The following BOK variants were observed in gnomAD, a reference collection of about 807,000 sequenced individuals.
BOK encodes the protein BCL2 family apoptosis regulator BOK, also known as bcl-2-related ovarian killer protein.
Under a neutral mutation model 18.3 loss-of-function variants are expected in BOK, and 20 were observed. The ratio of observed to expected loss-of-function variants is 1.09; its 90% confidence interval spans 0.77 to 1.59. BOK has a LOEUF of 1.59. Among genes scored for constraint, BOK ranks in the 40% most tolerant of loss-of-function variants. The probability of loss-of-function intolerance (pLI) is 0.00; values close to 1 mark genes in which losing one functional copy is unlikely to be tolerated. For synonymous variants in BOK, 173 were observed against 142.4 expected, an observed-to-expected ratio of 1.21 and a Z score of -1.53; for missense variants, 348 against 307.9, an observed-to-expected ratio of 1.13 and a Z score of -0.97.
At chr2:241,563,839 G>A (rs2066568708) in intron 3 of BOK, among the ~76,000 whole-genome samples, 1 of 152,162 alleles carries the variant, frequency 6.6e-6, no homozygotes, top group African/African-American at 2.4e-5. Context: ...TCTTCAGATG[G>A]CCTCGGGACC....
chr2:241,572,777 G>A lies in BOK; in HGVS notation c.*355G>A. On this transcript the variant is annotated 3_prime_UTR_variant, in exon 5 of 5. Transcript: ENST00000318407. ...TGCTCTCACCTGAGCCCCAGGTGAA[G>A]GGGCCCGGGAACACCTGCTCTCACC... 3.5e-6 allele frequency: 1 copy of A among 282,796 alleles called. No individual in the cohort carries two copies. Among genetic ancestry groups the A allele is most frequent in the Non-Finnish European group, 6.9e-6 (1 of 144,526 alleles). The allele number at this position is 282,796 out of a possible 1,614,324, so 17.5% of individuals were successfully genotyped here. A position where few individuals can be genotyped will look rare whatever the true frequency, so the allele number is the denominator to read the frequency against.
chr2:241,559,561 G>T lies in BOK; in HGVS notation c.78G>T (p.Glu26Asp). ...DAFDRSPTDK[E>D]LVAQAKALGR... is the part of the protein sequence containing the mutation. The stretch of plus-strand genomic sequence containing the variant: ...TTGACCGCTCGCCCACAGACAAGGA[G>T]CTGGTGGCCCAGGCCAAGGCGCTGG... Residue 26 changes from glutamate to aspartate, a missense_variant, in exon 2 of 5, where the codon GAG (glutamate) becomes GAT (aspartate). By Grantham distance (45) the Glu-to-Asp change is conservative. Coordinates refer to ENST00000318407, the MANE Select transcript of BOK (RefSeq NM_032515.5). 2 of 1,529,158 alleles carry T rather than the reference G, an allele frequency of 1.3e-6. No homozygotes were observed. The highest frequency in any genetic ancestry group is 1.7e-6 in the Non-Finnish European group (2 of 1,147,430). The allele number at this position is 1,529,158 out of a possible 1,614,324, so 94.7% of individuals were successfully genotyped here. A position where few individuals can be genotyped will look rare whatever the true frequency, so the allele number is the denominator to read the frequency against.
chr2:241,559,342 G>A (rs2066486800), intron 1 of BOK, 113 bp from the exon 2 acceptor site: 1 of 544,698 alleles, frequency 1.8e-6, no homozygotes, highest in African/African-American at 2.0e-5. Flanking sequence ...AAAAACGAGA[G>A]CGGACCCGGC....
chr2:241,559,164 C>G (rs1373927782), intron 1 of BOK, among the ~76,000 whole-genome samples, 171 bp downstream of exon 1: 2 of 151,160 alleles, frequency 1.3e-5, no homozygotes, highest in Non-Finnish European at 3.0e-5. Flanking sequence ...GCTGTGCCCT[C>G]CGCCCCCGCC....
chr2:241,563,186 C>T (rs1012320569), intron 3 of BOK, among the ~76,000 whole-genome samples: 2 of 152,206 alleles, frequency 1.3e-5, no homozygotes, highest in Admixed American at 6.5e-5. Flanking sequence ...TGTCCACATG[C>T]TTCTAGGCCC....
upstream of BOK, among the ~76,000 whole-genome samples, chr2:241,556,367 G>A (rs917647088): frequency 4.6e-5 from 7 of 152,180 alleles, no homozygotes; most frequent in Admixed American, 6.5e-5. Flanking sequence ...GGTAGATCAC[G>A]AGGTCAAGAG....
chr2:241,572,685 C>T lies in BOK; in HGVS notation c.*263C>T. ...TTCTCCTGTGATCTCTGTGTTTTCC[C>T]TTTTCTTTCTGGGGCCAGGAAGTCA... On this transcript the variant is annotated 3_prime_UTR_variant, in exon 5 of 5. Transcript: ENST00000318407. 7.5e-6 allele frequency: 4 copies of T among 530,092 alleles called. No homozygotes were observed. Among genetic ancestry groups the T allele is most frequent in the East Asian group, 3.2e-5 (1 of 31,604 alleles). The allele number at this position is 530,092 out of a possible 1,614,324, so 32.8% of individuals were successfully genotyped here.
At chr2:241,568,645 T>G (rs536765261) in intron 3 of BOK, among the ~76,000 whole-genome samples, 1 of 152,208 alleles carries the variant, frequency 6.6e-6, no homozygotes, top group South Asian at 2.1e-4. Context: ...CTTGAACTCC[T>G]GACCTCAGGT....
intron 3 of BOK, among the ~76,000 whole-genome samples, chr2:241,567,909 GAATGC>G (rs2066641116): frequency 3.9e-5 from 3 of 77,258 alleles, no homozygotes; most frequent in Admixed American, 1.3e-4. Flanking sequence ...TATCACCCCA[GAATGC>G]CTGTGCCCGT....
At chr2:241,556,279 T>C (rs1303273418), upstream of BOK, among the ~76,000 whole-genome samples, 1 of 152,212 alleles carries the variant, frequency 6.6e-6, no homozygotes, top group East Asian at 1.9e-4. Flanking sequence ...CTACATGACA[T>C]GGATTAAGAA....
upstream of BOK, among the ~76,000 whole-genome samples, chr2:241,555,771 C>T (rs1387368083): frequency 6.6e-6 from 1 of 152,208 alleles, no homozygotes; most frequent in African/African-American, 2.4e-5. Flanking sequence ...TCCTGGGATG[C>T]AGAACATGTC....
Position 241,562,168 on chromosome 2 carries a change from G to C in BOK, c.221-180G>C, listed in dbSNP as rs1157700291. Among the ~76,000 whole-genome samples, 2 of 152,234 alleles carry C rather than the reference G, an allele frequency of 1.3e-5. No homozygotes were observed. The highest frequency in any genetic ancestry group is 1.5e-5 in the Non-Finnish European group (1 of 68,034). ...CTTCTGGTCCCTAGGGGCCAAGGTT[G>C]GGGGATGGCCCAAGGGAGGTCAGAT... On this transcript the variant is annotated intron_variant, in intron 2 of 4. Transcript: ENST00000318407. The surrounding 1 kb of genome is among the most constrained non-coding windows in gnomAD (Gnocchi z 4.5).
chr2:241,564,959 G>GATGCCCCTACCC (rs1214551978), intron 3 of BOK, among the ~76,000 whole-genome samples: 3 of 152,190 alleles, frequency 2.0e-5, no homozygotes, highest in Non-Finnish European at 4.4e-5. Flanking sequence ...GCTTGAGCAG[G>GATGCCCCTACCC]GCCTGGCCTG....
Position 241,562,344 on chromosome 2 carries a change from A to ACAGGCGATGAG in BOK, c.221-2_229dup, listed in dbSNP as rs1223713190. ...GCCTCTCACCTGCTCTTGTGACCAC[A>ACAGGCGATGAG]CAGGCGATGAGCTGGAGATGATCCG... On this transcript the variant is annotated splice_polypyrimidine_tract_variant and splice_region_variant and intron_variant, in intron 2 of 4. Coordinates refer to ENST00000318407, the MANE Select transcript of BOK (RefSeq NM_032515.5). This position sits in a 1 kb window ranked among gnomAD's most constrained non-coding sequence, Gnocchi z 4.5. 3.1e-6 allele frequency: 5 copies of ACAGGCGATGAG among 1,595,462 alleles called. No individual in the cohort carries two copies. Among genetic ancestry groups the ACAGGCGATGAG allele is most frequent in the Non-Finnish European group, 4.3e-6 (5 of 1,172,002 alleles).
In BOK at chr2:241,562,451, C is replaced by G; in HGVS notation, c.324C>G (p.Ala108=). The part of the protein sequence containing the change: ...SEPVVTDAFL[A]VAGHIFSAGI... Reference sequence around the variant, plus strand: ...CTGTGGTGACCGATGCGTTCCTGGCCGTGGCTGGCCACATCTTCTCTGCAG... The same window carrying G: ...CTGTGGTGACCGATGCGTTCCTGGCGGTGGCTGGCCACATCTTCTCTGCAG... The change falls in exon 3 of 5, where the codon GCC becomes GCG. Residue 108 remains alanine, a synonymous_variant. Coordinates refer to ENST00000318407, the MANE Select transcript of BOK (RefSeq NM_032515.5). The surrounding 1 kb of genome is among the most constrained non-coding windows in gnomAD (Gnocchi z 4.5). The G allele has an allele frequency of 6.2e-7, 1 of 1,611,700 alleles. No homozygotes were observed. Among genetic ancestry groups the G allele is most frequent in the Non-Finnish European group, 8.5e-7 (1 of 1,179,688 alleles).
rs561951752 is a variant in BOK, at chr2:241,569,828, T to C, written c.350-297T>C. ...CAGCCCAGGGGTGCCACCCGTGAGG[T>C]CACTGGCTGCTCACTCCATCTGCTG... On this transcript the variant is annotated intron_variant, in intron 3 of 4. Transcript: ENST00000318407. Among the ~76,000 whole-genome samples the C allele has an allele frequency of 2.0e-5, 3 of 152,250 alleles. No individual in the cohort carries two copies. In the South Asian group the frequency reaches 6.2e-4, roughly 32 times the overall value.
At chr2:241,552,555 A>C (rs897720224) in intron 1 of BOK, among the ~76,000 whole-genome samples, 5 of 152,008 alleles carry the variant, frequency 3.3e-5, no homozygotes, top group African/African-American at 4.8e-5. Context: ...GGCAGGACCC[A>C]CCTATGCCTG....
In BOK at chr2:241,572,606, C is replaced by T. The variant is rs2066742221; in HGVS notation, c.*184C>T. 2.2e-6 allele frequency: 2 copies of T among 905,302 alleles called. No individual in the cohort carries two copies. Among genetic ancestry groups the T allele is most frequent in the Non-Finnish European group, 3.3e-6 (2 of 614,080 alleles). The allele number at this position is 905,302 out of a possible 1,614,324, so 56.1% of individuals were successfully genotyped here. A position where few individuals can be genotyped will look rare whatever the true frequency, so the allele number is the denominator to read the frequency against. On this transcript the variant is annotated 3_prime_UTR_variant, in exon 5 of 5. Coordinates refer to ENST00000318407, the MANE Select transcript of BOK (RefSeq NM_032515.5). The stretch of plus-strand genomic sequence containing the variant: ...AAGGGGTGAGTGGGGAGGGGCTTTC[C>T]TGAGCCTGGAGCTGGGCTTTGGGGC...
chr2:241,552,444 T>A (rs1353776467), intron 1 of BOK, among the ~76,000 whole-genome samples: 1 of 152,070 alleles, frequency 6.6e-6, no homozygotes, highest in Non-Finnish European at 1.5e-5. Context: ...TCCGGCCCAC[T>A]CATACCATCC....
Sources: gnomAD v4.1 joint callset for allele counts (sites outside exome capture counted in the v4.1 genomes callset) on GRCh38, gnomAD v4.1.1 for gene constraint, Gnocchi (gnomAD v3.1) non-coding constraint, MANE v1.5 for transcripts, NCBI Gene and HGNC (gene_info 2026-07-23, HGNC 2026-07-21) for gene names.